Variants in MAF observed in about 807,000 individuals in gnomAD.
MAF encodes MAF bZIP transcription factor, also known as transcription factor Maf.
MAF carries 10 observed loss-of-function variants against 22.0 expected under a neutral mutation model. The ratio of observed to expected loss-of-function variants is 0.45; its 90% CI spans 0.28 to 0.77. The LOEUF is 0.77. Among genes scored for constraint, MAF ranks in the 30% least tolerant of loss-of-function variants. MAF has a pLI of 0.12. For missense variants in MAF, 544 were observed against 548.4 expected (o/e 0.99, Z 0.08); for synonymous variants, 337 against 255.8 (o/e 1.32, Z -3.03).
chr16:79,474,720 G>T, the MAF span, among the ~76,000 whole-genome samples: 1 of 152,046 alleles, frequency 6.6e-6, no homozygotes, highest in African/African-American at 2.4e-5. Context: ...TGCTGGTGAA[G>T]GAGGAAATCC....
the MAF span, chr16:79,204,238 C>T: frequency 6.6e-6 from 1 of 152,214 alleles, no homozygotes; most frequent in East Asian, 1.9e-4. Flanking sequence ...GGGAATTCTT[C>T]CATGGATATA....
the MAF span, among the ~76,000 whole-genome samples, chr16:79,403,469 G>A: frequency 2.0e-5 from 3 of 152,164 alleles, no homozygotes; most frequent in Admixed American, 6.5e-5. Flanking sequence ...AGTGGATCAA[G>A]TGCCCGCCCC....
chr16:79,406,934 T>C, the MAF span, among the ~76,000 whole-genome samples: 2 of 152,124 alleles, frequency 1.3e-5, no homozygotes, highest in Non-Finnish European at 2.9e-5. Context: ...TCCTAACTCC[T>C]TGTCTGATGC....
the MAF span, among the ~76,000 whole-genome samples, chr16:79,473,941 T>A: frequency 4.0e-3 from 607 of 152,266 alleles, 9 homozygotes; most frequent in African/African-American, 0.014. Context: ...TTGGGGGTTA[T>A]GGTTTATAAA....
chr16:79,356,335 G>C, the MAF span, among the ~76,000 whole-genome samples: 1 of 152,106 alleles, frequency 6.6e-6, no homozygotes, highest in Non-Finnish European at 1.5e-5. Flanking sequence ...AAATTCACAG[G>C]CCACATCATC....
the MAF span, among the ~76,000 whole-genome samples, chr16:79,376,078 G>A: frequency 6.6e-6 from 1 of 150,836 alleles, no homozygotes; most frequent in Admixed American, 6.6e-5. Context: ...GGAGAACAGT[G>A]AAGCAACAAT....
At chr16:79,400,192 C>G in the MAF span, among the ~76,000 whole-genome samples, 1 of 152,186 alleles carries the variant, frequency 6.6e-6, no homozygotes. Context: ...GACCCCACCA[C>G]AAAGAATGAA....
chr16:79,373,608 C>A, the MAF span, among the ~76,000 whole-genome samples: 1 of 151,862 alleles, frequency 6.6e-6, no homozygotes, highest in South Asian at 2.1e-4. Flanking sequence ...GTCTCAAACT[C>A]TTGACCTGAC....
the MAF span, among the ~76,000 whole-genome samples, chr16:79,539,781 G>C: frequency 6.6e-6 from 1 of 152,206 alleles, no homozygotes; most frequent in Non-Finnish European, 1.5e-5. Flanking sequence ...AAAAATGCAA[G>C]ATGCATGCCT....
At chr16:79,596,075 C>G (rs1913505046) in intron 1 of MAF, 5 of 1,062,222 alleles carry the variant, frequency 4.7e-6, no homozygotes, top group Admixed American at 5.4e-5. Context: ...CTTTACCGTT[C>G]AATGCATATG....
the MAF span, among the ~76,000 whole-genome samples, chr16:79,340,051 G>C: frequency 3.9e-5 from 6 of 152,322 alleles, no homozygotes; most frequent in East Asian, 1.9e-4. Flanking sequence ...AATCCAGTCT[G>C]TGTCACTAAA....
At chr16:79,594,641 T>A (rs1913403189) in intron 1 of MAF, 88 bp from the exon 2 acceptor site, 3 of 587,348 alleles carry the variant, frequency 5.1e-6, no homozygotes, top group Non-Finnish European at 6.8e-6. Context: ...CTCATATGAT[T>A]TTTTTTTTTT....
chr16:79,541,260 G>A, the MAF span, among the ~76,000 whole-genome samples: 1 of 152,154 alleles, frequency 6.6e-6, no homozygotes, highest in Admixed American at 6.5e-5. Context: ...ACACATTCCA[G>A]ATTTAAGGGA....
chr16:79,228,880 T>A, the MAF span, among the ~76,000 whole-genome samples: 438 of 151,834 alleles, frequency 2.9e-3, 8 homozygotes, highest in Admixed American at 0.023. Context: ...TAGACTACAG[T>A]GAGAATGGTA....
chr16:79,335,601 G>C, the MAF span, among the ~76,000 whole-genome samples: 1 of 152,168 alleles, frequency 6.6e-6, no homozygotes, highest in Non-Finnish European at 1.5e-5. Flanking sequence ...CTGTGAGACA[G>C]AGCAGAGAAG....
At chr16:79,319,088 A>G in the MAF span, among the ~76,000 whole-genome samples, 1 of 152,046 alleles carries the variant, frequency 6.6e-6, no homozygotes, top group Non-Finnish European at 1.5e-5. Context: ...ATTTCCCTTC[A>G]TTTAAGCAGG....
At chr16:79,466,962 G>T in the MAF span, among the ~76,000 whole-genome samples, 1 of 152,206 alleles carries the variant, frequency 6.6e-6, no homozygotes, top group South Asian at 2.1e-4. Flanking sequence ...CTTGGAGCTT[G>T]AGGCCTGCCT....
the MAF span, among the ~76,000 whole-genome samples, chr16:79,473,289 C>A: frequency 3.9e-5 from 6 of 152,092 alleles, no homozygotes; most frequent in Non-Finnish European, 1.5e-5. Flanking sequence ...GAGGAACTCT[C>A]TCAAGATGCC....
At chr16:79,317,133 C>CT in the MAF span, among the ~76,000 whole-genome samples, 14 of 150,812 alleles carry the variant, frequency 9.3e-5, no homozygotes, top group Non-Finnish European at 7.4e-5. Flanking sequence ...GTCTCTCTCC[C>CT]TCCCTCCTTC....
Sources: gnomAD v4.1 joint callset for allele counts (sites outside exome capture counted in the v4.1 genomes callset) on GRCh38, gnomAD v4.1.1 for gene constraint, MANE v1.5 for transcripts, NCBI Gene and HGNC (gene_info 2026-07-23, HGNC 2026-07-21) for gene names.